Variants in PDE6H observed in about 807,000 individuals in gnomAD.
PDE6H encodes retinal cone rhodopsin-sensitive cGMP 3',5'-cyclic phosphodiesterase subunit gamma.
Under a neutral mutation model 9.2 loss-of-function variants are expected in PDE6H, and 11 were observed. The ratio of observed to expected loss-of-function variants is 1.19; its 90% CI spans 0.75 to 1.97. The LOEUF (loss-of-function observed/expected upper bound fraction) is 1.97. Ranked by LOEUF, PDE6H falls within the 30% of genes most tolerant of loss-of-function variation. The pLI, the probability that PDE6H is intolerant of heterozygous loss-of-function variation, is 0.00. For missense variants in PDE6H, 98 were observed against 101.5 expected (o/e 0.97, Z 0.15); for synonymous variants, 36 against 33.6 (o/e 1.07, Z -0.25).
chr12:14,974,610 G>A (rs991258708), intron 1 of PDE6H, among the ~76,000 whole-genome samples: 2 of 152,216 alleles, frequency 1.3e-5, no homozygotes, highest in African/African-American at 4.8e-5. Context: ...GTATCATTGG[G>A]GAATATGGAT....
intron 3 of PDE6H, among the ~76,000 whole-genome samples, chr12:14,980,895 G>T (rs1374373002): frequency 6.6e-6 from 1 of 152,216 alleles, no homozygotes; most frequent in Admixed American, 6.5e-5. Context: ...TGGATTAAAA[G>T]ATGCTTTGTG....
chr12:14,975,440 T>C (rs375999673), intron 1 of PDE6H, among the ~76,000 whole-genome samples: 282 of 152,304 alleles, frequency 1.9e-3, no homozygotes, highest in African/African-American at 6.5e-3. Flanking sequence ...AAGAAACTTT[T>C]TGATTTCTTC....
chr12:14,975,267 A>G (rs1864574293), intron 1 of PDE6H, among the ~76,000 whole-genome samples: 1 of 151,820 alleles, frequency 6.6e-6, no homozygotes, highest in Non-Finnish European at 1.5e-5. Flanking sequence ...CAGAAAAAAA[A>G]TGACTTTTTA....
chr12:14,978,232 T>C lies in PDE6H; in HGVS notation c.134+86T>C, dbSNP rs1015537189. ...TGTTTTGGGAAATTGGTGCTCACAA[T>C]ATTAAACAGACTTACAAAAATTTCC... is the stretch of plus-strand genomic sequence containing the variant. On this transcript the variant is annotated intron_variant, in intron 2 of 3. Coordinates refer to ENST00000266395, the MANE Select transcript of PDE6H (RefSeq NM_006205.3). 13 of 1,251,862 alleles carry C rather than the reference T, an allele frequency of 1.0e-5. No individual in the cohort carries two copies. The African/African-American group carries it at 1.8e-4, about 17-fold the overall frequency. The allele number at this position is 1,251,862 out of a possible 1,614,324, so 77.5% of individuals were successfully genotyped here.
intron 1 of PDE6H, among the ~76,000 whole-genome samples, chr12:14,973,540 G>T (rs11056265): frequency 0.12 from 17,960 of 152,244 alleles, 1,178 homozygotes; most frequent in South Asian, 0.25. Flanking sequence ...CACAGGGCAG[G>T]GCAGGTGGCT....
chr12:14,978,496 A>C (rs1463927969), intron 2 of PDE6H, among the ~76,000 whole-genome samples: 1 of 152,178 alleles, frequency 6.6e-6, no homozygotes, highest in Non-Finnish European at 1.5e-5. Context: ...AATATAGCTT[A>C]TATTTATGTC....
At chr12:14,981,332 G>T in intron 3 of PDE6H, 68 bp from the exon 4 acceptor site, 1 of 936,656 alleles carries the variant, frequency 1.1e-6, no homozygotes, top group Non-Finnish European at 1.8e-6. Context: ...TGCCTGAAGG[G>T]TGTCTTTCTG....
chr12:14,980,767 G>A (rs1864669782), intron 3 of PDE6H, among the ~76,000 whole-genome samples: 1 of 152,194 alleles, frequency 6.6e-6, no homozygotes, highest in Non-Finnish European at 1.5e-5. Context: ...TCTTTGACCT[G>A]GCTCTAGTCT....
At chr12:14,973,506 G>A (rs1033170921) in intron 1 of PDE6H, among the ~76,000 whole-genome samples, 95 of 152,214 alleles carry the variant, frequency 6.2e-4, no homozygotes, top group African/African-American at 2.1e-3. Context: ...AAAGGAGAAG[G>A]GGAGCTGAGA....
At chr12:14,975,791 A>G (rs986065775) in intron 1 of PDE6H, among the ~76,000 whole-genome samples, 2 of 150,860 alleles carry the variant, frequency 1.3e-5, no homozygotes, top group African/African-American at 4.9e-5. Context: ...CAAGGTTTAC[A>G]GTATTTGTTC....
At chr12:14,973,436 C>G (rs1020565178) in intron 1 of PDE6H, among the ~76,000 whole-genome samples, 1 of 152,060 alleles carries the variant, frequency 6.6e-6, no homozygotes. Context: ...ACAGAGAAAA[C>G]AGTTCTTTAC....
chr12:14,981,379 C>A, intron 3 of PDE6H, 21 bp from the exon 4 acceptor site: 1 of 1,551,958 alleles, frequency 6.4e-7, no homozygotes, highest in African/African-American at 1.4e-5. Context: ...GGCTTACGTG[C>A]TCTTCTTCCA....
intron 1 of PDE6H, among the ~76,000 whole-genome samples, chr12:14,973,386 A>T (rs767784576): frequency 6.6e-6 from 1 of 152,236 alleles, no homozygotes; most frequent in African/African-American, 2.4e-5. Context: ...CATAGTAAAC[A>T]GTTTTCTGAA....
At chr12:14,979,442 C>A (rs538083710) in intron 3 of PDE6H, among the ~76,000 whole-genome samples, 1 of 152,264 alleles carries the variant, frequency 6.6e-6, no homozygotes, top group African/African-American at 2.4e-5. Flanking sequence ...ATTTCATAAA[C>A]CTTCTTGTTT....
intron 1 of PDE6H, among the ~76,000 whole-genome samples, chr12:14,973,401 G>A (rs1387899790): frequency 6.6e-6 from 1 of 152,180 alleles, no homozygotes; most frequent in Non-Finnish European, 1.5e-5. Context: ...TCTGAAGAAG[G>A]AGGAATCTGT....
rs749354961 is a variant in PDE6H, at chr12:14,978,159, T to C, written c.134+13T>C. ...AAGGTGTGAAAGGGTAAGACCAAAA[T>C]GAAAAGAAAAACTTTCTATTACTTT... On this transcript the variant is annotated intron_variant, in intron 2 of 3. Coordinates refer to ENST00000266395, the MANE Select transcript of PDE6H (RefSeq NM_006205.3). 1.9e-6 allele frequency: 3 copies of C among 1,612,306 alleles called. No homozygotes were observed. The highest frequency in any genetic ancestry group is 2.5e-6 in the Non-Finnish European group (3 of 1,179,006).
chr12:14,976,573 T>A (rs918475577), intron 1 of PDE6H, among the ~76,000 whole-genome samples: 4 of 152,062 alleles, frequency 2.6e-5, no homozygotes, highest in African/African-American at 9.7e-5. Flanking sequence ...CCTGTAAACC[T>A]AGCACTTCGG....
intron 2 of PDE6H, 25 bp downstream of exon 2, chr12:14,978,171 C>T (rs202208920): frequency 3.4e-5 from 54 of 1,601,908 alleles, no homozygotes; most frequent in South Asian, 3.3e-5. Context: ...AAAAGAAAAA[C>T]TTTCTATTAC....
chr12:14,978,460 C>T lies in PDE6H; in HGVS notation c.134+314C>T, dbSNP rs549482554. On this transcript the variant is annotated intron_variant, in intron 2 of 3. Transcript: ENST00000266395. ...AGACAACCTCTACGTTAATCTGTAACACTGAACCACTGACCATTTCCAGAA... is the reference window on the plus strand; with the variant it reads ...AGACAACCTCTACGTTAATCTGTAATACTGAACCACTGACCATTTCCAGAA... Among the ~76,000 whole-genome samples the T allele has an allele frequency of 4.6e-5, 7 of 152,344 alleles. No homozygotes were observed. In the South Asian group the frequency reaches 8.3e-4, roughly 18 times the overall value.
Sources: gnomAD v4.1 joint callset for allele counts (sites outside exome capture counted in the v4.1 genomes callset) on GRCh38, gnomAD v4.1.1 for gene constraint, MANE v1.5 for transcripts, NCBI Gene and HGNC (gene_info 2026-07-23, HGNC 2026-07-21) for gene names.